Variants in MLYCD observed in about 807,000 individuals in gnomAD.
MLYCD encodes malonyl-CoA decarboxylase.
In MLYCD, 27 loss-of-function variants were observed where a neutral mutation model predicts 35.8. The ratio of observed to expected loss-of-function variants is 0.75; its 90% CI spans 0.56 to 1.04. The LOEUF (loss-of-function observed/expected upper bound fraction) is 1.04, where lower values mean the gene tolerates loss of function less well. Among genes scored for constraint, MLYCD ranks in the 50% least tolerant of loss-of-function variants. The pLI is 0.00. For synonymous variants in MLYCD, 403 were observed against 302.4 expected (o/e 1.33, Z -3.45); for missense variants, 917 against 665.1 (o/e 1.38, Z -4.17).
intron 1 of MLYCD, among the ~76,000 whole-genome samples, chr16:83,904,460 T>G (rs1489067948): frequency 6.6e-6 from 1 of 152,180 alleles, no homozygotes; most frequent in African/African-American, 2.4e-5. Flanking sequence ...AAAGTACAGT[T>G]TTACAAAGGG....
Position 83,911,000 on chromosome 16 carries a change from C to T in MLYCD, c.799-1218C>T, listed in dbSNP as rs554565568. ...CTTTCTTTTTTTCTTTTTTTTGAGA[C>T]GGAGTCTCGCTCTGTGCCCAGGCTG... On this transcript the variant is annotated intron_variant, in intron 3 of 4. Coordinates refer to ENST00000262430, the MANE Select transcript of MLYCD (RefSeq NM_012213.3). 3.3e-5 allele frequency among the ~76,000 whole-genome samples: 5 copies of T among 152,152 alleles called. No homozygotes were observed. In the South Asian group the frequency reaches 6.2e-4, roughly 19 times the overall value.
chr16:83,900,582 ATTTTTTT>A (rs1156957811), intron 1 of MLYCD, among the ~76,000 whole-genome samples: 5 of 121,066 alleles, frequency 4.1e-5, no homozygotes, highest in African/African-American at 9.5e-5. Context: ...TGCCCGGCTA[ATTTTTTT>A]TTTTTTTTTT....
chr16:83,899,202 C>G lies in MLYCD; in HGVS notation c.58C>G (p.Pro20Ala), dbSNP rs1292718330. The stretch of plus-strand genomic sequence containing the variant: ...GCGTCTCCTCCCGCTGCGGTTGCCC[C>G]CGCGGCCGCCCGGGCCCCGGCTGGC... ...ARRLLPLRLP[P>A]RPPGPRLASG... Residue 20 changes from proline (P) to alanine (A), a missense_variant, in exon 1 of 5, where the codon CCG (proline) becomes GCG (alanine). Physicochemically the swap from Pro to Ala is conservative, Grantham distance 27. Coordinates refer to ENST00000262430, the MANE Select transcript of MLYCD (RefSeq NM_012213.3). The G allele has an allele frequency of 2.5e-6, 3 of 1,181,014 alleles. No homozygotes were observed. In the African/African-American group the frequency reaches 4.9e-5, roughly 19 times the overall value. 73.2% of individuals were successfully genotyped at this position (1,181,014 alleles called of 1,614,324 possible).
rs1251549762 is a variant in MLYCD, at chr16:83,922,862, A to C, written c.*7373A>C. 5 of 152,318 alleles carry C rather than the reference A, an allele frequency of 3.3e-5. No homozygotes were observed. Among genetic ancestry groups the C allele is most frequent in the South Asian group, 4.1e-4 (2 of 4,830 alleles). 9.4% of individuals were successfully genotyped at this position (152,318 alleles called of 1,614,324 possible). On this transcript the variant is annotated 3_prime_UTR_variant, in exon 5 of 5. Transcript: ENST00000262430. The stretch of plus-strand genomic sequence containing the variant: ...TCTCACAATTTCTAAGAGGTGACTA[A>C]GTGGATCATTCGTTCCCGGGAGAGG...
rs146192786 is a variant in MLYCD at position 83,923,388 on chromosome 16, A to C, written c.*7899A>C. On this transcript the variant is annotated 3_prime_UTR_variant, in exon 5 of 5. Coordinates refer to ENST00000262430, the MANE Select transcript of MLYCD (RefSeq NM_012213.3). The stretch of plus-strand genomic sequence containing the variant: ...CTACTCTTAGAAACAAAAGCTGCCC[A>C]TGATTTCACCACAGAAAGTCTGCCT... The C allele has an allele frequency of 6.6e-6, 1 of 152,374 alleles. No individual in the cohort carries two copies. The highest frequency in any genetic ancestry group is 1.9e-4 in the East Asian group (1 of 5,186). The allele number at this position is 152,374 out of a possible 1,614,324, so 9.4% of individuals were successfully genotyped here. A position where few individuals can be genotyped will look rare whatever the true frequency, so the allele number is the denominator to read the frequency against.
intron 1 of MLYCD, among the ~76,000 whole-genome samples, chr16:83,903,070 G>C (rs1453112909): frequency 6.6e-6 from 1 of 152,166 alleles, no homozygotes; most frequent in Non-Finnish European, 1.5e-5. Context: ...CGAATCCCCA[G>C]TAGAGGGGAA....
rs771885443 is a variant in MLYCD, at chr16:83,899,649, C to T, written c.505C>T (p.Leu169=). The change falls in exon 1 of 5, where the codon CTG becomes TTG. Residue 169 remains leucine (L), a synonymous_variant. Transcript: ENST00000262430. ...ADLLEAQALK[L]VEGPDVREMN... Reference sequence around the variant, plus strand: ...CCTGCTGGAGGCGCAGGCCCTCAAGCTGGTGGAGGGGCCGGACGTCCGGGT... The same window carrying T: ...CCTGCTGGAGGCGCAGGCCCTCAAGTTGGTGGAGGGGCCGGACGTCCGGGT... 184 of 1,544,530 alleles carry T rather than the reference C, an allele frequency of 1.2e-4. No homozygotes were observed. The highest frequency in any genetic ancestry group is 1.5e-4 in the Non-Finnish European group (176 of 1,153,596).
At position 83,915,371 on chromosome 16, in the gene MLYCD, G is replaced by A. The variant is rs769856531; in HGVS notation, c.1364G>A (p.Arg455His). 1.2e-5 allele frequency: 19 copies of A among 1,613,688 alleles called. No individual in the cohort carries two copies. The highest frequency in any genetic ancestry group is 1.6e-4 in the Middle Eastern group (1 of 6,084). ...TGSCGLMANY[R>H]YFLEETGPNS... Reference sequence around the variant, plus strand: ...TCCTGCGGCCTGATGGCCAACTACCGCTACTTCCTGGAGGAGACGGGCCCC... The same window carrying A: ...TCCTGCGGCCTGATGGCCAACTACCACTACTTCCTGGAGGAGACGGGCCCC... Residue 455 changes from arginine (R) to histidine (H), a missense_variant, in exon 5 of 5, where the codon CGC becomes CAC. Transcript: ENST00000262430.
chr16:83,907,999 C>G, intron 2 of MLYCD, 127 bp from the exon 3 acceptor site: 1 of 1,218,582 alleles, frequency 8.2e-7, no homozygotes, highest in East Asian at 2.5e-5. Flanking sequence ...TTTGAATTTT[C>G]CAGAAGAGTC....
chr16:83,914,941 A>G lies in MLYCD; in HGVS notation c.949-15A>G. The G allele has an allele frequency of 6.2e-7, 1 of 1,614,124 alleles. No individual in the cohort carries two copies. Among genetic ancestry groups the G allele is most frequent in the Non-Finnish European group, 8.5e-7 (1 of 1,180,024 alleles). On this transcript the variant is annotated splice_polypyrimidine_tract_variant and intron_variant, in intron 4 of 4. Transcript: ENST00000262430. ...TTTTCTCCGCCTTCCTTTCCACCCC[A>G]ACCATGCTTTACAGAGAGAGTTTCC...
intron 4 of MLYCD, chr16:83,914,679 T>C (rs1907307867): frequency 6.4e-6 from 3 of 468,008 alleles, no homozygotes; most frequent in Non-Finnish European, 1.2e-5. Flanking sequence ...CTCAGCAGGC[T>C]GAGGCAGGAG....
chr16:83,916,440 G>C lies in MLYCD; in HGVS notation c.*951G>C, dbSNP rs934617774. 3 of 150,130 alleles carry C rather than the reference G, an allele frequency of 2.0e-5. No homozygotes were observed. Among genetic ancestry groups the C allele is most frequent in the African/African-American group, 7.5e-5 (3 of 40,154 alleles). 9.3% of individuals were successfully genotyped at this position (150,130 alleles called of 1,614,324 possible). On this transcript the variant is annotated 3_prime_UTR_variant, in exon 5 of 5. Transcript: ENST00000262430. ...TCAGTGCACGTCTGTGCGTGTGCAC[G>C]AGCGTCTGTGGATCAGTGCACGTCT...
intron 4 of MLYCD, chr16:83,914,599 C>A: frequency 2.8e-6 from 1 of 361,142 alleles, no homozygotes; most frequent in South Asian, 2.2e-5. Context: ...CCTCCAGGGT[C>A]TGGCACACAT....
chr16:83,909,777 C>T (rs796279589), intron 3 of MLYCD, among the ~76,000 whole-genome samples: 4 of 151,800 alleles, frequency 2.6e-5, no homozygotes, highest in African/African-American at 7.2e-5. Context: ...CATGTGCCAC[C>T]ATGCCCAGCT....
chr16:83,906,766 T>C (rs1906990972), intron 1 of MLYCD, among the ~76,000 whole-genome samples: 1 of 151,912 alleles, frequency 6.6e-6, no homozygotes, highest in African/African-American at 2.4e-5. Context: ...CAGACTGAAG[T>C]AGTTAAGTCT....
chr16:83,904,122 T>C (rs1048039556), intron 1 of MLYCD, among the ~76,000 whole-genome samples: 5 of 152,186 alleles, frequency 3.3e-5, no homozygotes, highest in African/African-American at 1.2e-4. Flanking sequence ...GGAGCTTTCA[T>C]CAGCCAAACC....
chr16:83,901,597 T>C lies in MLYCD; in HGVS notation c.528+1925T>C, dbSNP rs1185795582. Among the ~76,000 whole-genome samples the C allele has an allele frequency of 4.6e-5, 7 of 152,238 alleles. No homozygotes were observed. The East Asian group carries it at 1.3e-3, about 29-fold the overall frequency. ...CATTGATTTCTCACATCCGGTCCAA[T>C]TCTGAATTCTCTGGTTCTGTGAGAT... On this transcript the variant is annotated intron_variant, in intron 1 of 4. Coordinates refer to ENST00000262430, the MANE Select transcript of MLYCD (RefSeq NM_012213.3).
chr16:83,925,199 C>G lies in MLYCD; in HGVS notation c.*9710C>G, dbSNP rs1907768754. On this transcript the variant is annotated 3_prime_UTR_variant, in exon 5 of 5. Coordinates refer to ENST00000262430, the MANE Select transcript of MLYCD (RefSeq NM_012213.3). ...ATACCTGTGTGTTTCCCCTGCATAG[C>G]TCAGCAGCAGCTCAGGCTCAGCACG... The G allele has an allele frequency of 6.5e-6, 1 of 152,874 alleles. No homozygotes were observed. The highest frequency in any genetic ancestry group is 2.1e-4 in the South Asian group (1 of 4,858). The allele number at this position is 152,874 out of a possible 1,614,324, so 9.5% of individuals were successfully genotyped here.
At chr16:83,911,542 C>T (rs1051647789) in intron 3 of MLYCD, 1 of 153,888 alleles carries the variant, frequency 6.5e-6, no homozygotes, top group Non-Finnish European at 1.4e-5. Flanking sequence ...AAAACGCTGC[C>T]GTGAGAATGA....
Sources: gnomAD v4.1 joint callset for allele counts (sites outside exome capture counted in the v4.1 genomes callset) on GRCh38, gnomAD v4.1.1 for gene constraint, MANE v1.5 for transcripts, NCBI Gene and HGNC (gene_info 2026-07-23, HGNC 2026-07-21) for gene names.